The following ATRNL1 variants were observed in gnomAD, a reference collection of about 807,000 sequenced individuals.
The protein encoded by ATRNL1 is attractin-like protein 1.
In ATRNL1, 95 loss-of-function variants were observed where a neutral mutation model predicts 182.7. That is an observed-to-expected ratio of 0.52 (90% CI 0.44 to 0.62). The LOEUF (loss-of-function observed/expected upper bound fraction) is 0.62, where lower values mean the gene tolerates loss of function less well. ATRNL1 is among the 20% of genes least tolerant of loss of function. The probability of loss-of-function intolerance (pLI) is 0.00; values close to 1 mark genes in which losing one functional copy is unlikely to be tolerated. For missense variants in ATRNL1, 1,471 were observed against 1,679.5 expected (o/e 0.88, Z 2.17); for synonymous variants, 576 against 568.3 (o/e 1.01, Z -0.19).
chr10:115,701,484 A>G (rs1946734572), intron 26 of ATRNL1, among the ~76,000 whole-genome samples: 1 of 152,008 alleles, frequency 6.6e-6, no homozygotes, highest in Non-Finnish European at 1.5e-5. Context: ...AGACACAAAA[A>G]TCCATACAAA....
intron 24 of ATRNL1, among the ~76,000 whole-genome samples, chr10:115,505,993 C>A (rs1157931915): frequency 6.6e-6 from 1 of 151,694 alleles, no homozygotes; most frequent in East Asian, 1.9e-4. Flanking sequence ...AGCTGTTGAA[C>A]TCCAGCATGG....
chr10:115,393,402 T>C (rs951220170), intron 19 of ATRNL1, among the ~76,000 whole-genome samples: 3 of 152,186 alleles, frequency 2.0e-5, no homozygotes, highest in Non-Finnish European at 4.4e-5. Context: ...TTACTATTGA[T>C]ACTGGAAGAA....
chr10:115,930,273 C>G (rs944959573), intron 28 of ATRNL1, among the ~76,000 whole-genome samples: 19 of 152,074 alleles, frequency 1.2e-4, no homozygotes, highest in Admixed American at 3.9e-4. Context: ...TTTCCTTCCC[C>G]AGAAGTTGCT....
At chr10:115,609,636 G>A (rs1857051478) in intron 26 of ATRNL1, among the ~76,000 whole-genome samples, 1 of 151,928 alleles carries the variant, frequency 6.6e-6, no homozygotes, top group Non-Finnish European at 1.5e-5. Context: ...TGATTATTTT[G>A]CCTGCTTTCT....
chr10:115,828,554 C>G (rs1950490852), intron 27 of ATRNL1, among the ~76,000 whole-genome samples: 1 of 152,188 alleles, frequency 6.6e-6, no homozygotes, highest in African/African-American at 2.4e-5. Flanking sequence ...GCTTCTCACT[C>G]TGGTACACAG....
intron 25 of ATRNL1, among the ~76,000 whole-genome samples, chr10:115,547,098 A>C (rs1172585373): frequency 6.6e-6 from 1 of 151,776 alleles, no homozygotes; most frequent in Non-Finnish European, 1.5e-5. Context: ...TACTAAAAAT[A>C]CAAAAAAATT....
chr10:115,152,751 G>C (rs1369090040), intron 5 of ATRNL1, among the ~76,000 whole-genome samples: 1 of 152,152 alleles, frequency 6.6e-6, no homozygotes, highest in Non-Finnish European at 1.5e-5. Context: ...CCAACACTAT[G>C]TTGAATAAGA....
At chr10:115,456,421 G>T (rs1174943980) in intron 21 of ATRNL1, among the ~76,000 whole-genome samples, 1 of 152,106 alleles carries the variant, frequency 6.6e-6, no homozygotes, top group Non-Finnish European at 1.5e-5. Context: ...ACTCATAAGT[G>T]GGAGTTGAAC....
intron 27 of ATRNL1, among the ~76,000 whole-genome samples, chr10:115,817,767 G>T (rs1022134887): frequency 1.8e-4 from 26 of 145,814 alleles, no homozygotes; most frequent in Non-Finnish European, 3.8e-4. Flanking sequence ...TAAAAAAGTA[G>T]TTTTTTTTTT....
chr10:115,652,708 A>G (rs1555034673), intron 26 of ATRNL1, among the ~76,000 whole-genome samples: 1 of 152,078 alleles, frequency 6.6e-6, no homozygotes. Context: ...CATTCTGCAT[A>G]CAGTTTACTT....
intron 8 of ATRNL1, among the ~76,000 whole-genome samples, chr10:115,190,162 C>T (rs1017748232): frequency 3.3e-4 from 50 of 152,176 alleles, no homozygotes; most frequent in African/African-American, 1.1e-3. Flanking sequence ...GTGCATTTCT[C>T]AGAATGTATC....
chr10:115,611,094 A>T (rs1555018877), intron 26 of ATRNL1, among the ~76,000 whole-genome samples: 1 of 151,670 alleles, frequency 6.6e-6, no homozygotes, highest in African/African-American at 2.4e-5. Flanking sequence ...AATTAGTGAA[A>T]AAACAGCTTA....
chr10:115,700,476 T>G (rs1946698381), intron 26 of ATRNL1, among the ~76,000 whole-genome samples: 1 of 152,146 alleles, frequency 6.6e-6, no homozygotes, highest in South Asian at 2.1e-4. Flanking sequence ...CATATGTATT[T>G]TAGCCACTTA....
intron 24 of ATRNL1, among the ~76,000 whole-genome samples, chr10:115,497,074 A>G (rs1399849530): frequency 6.6e-6 from 1 of 152,124 alleles, no homozygotes; most frequent in African/African-American, 2.4e-5. Flanking sequence ...TCTTTAAAAA[A>G]CATTTTTTTT....
At chr10:115,103,649 T>G (rs1422526836) in intron 1 of ATRNL1, among the ~76,000 whole-genome samples, 1 of 152,218 alleles carries the variant, frequency 6.6e-6, no homozygotes, top group Non-Finnish European at 1.5e-5. Context: ...CAATTCATAC[T>G]AATTATACTT....
intron 9 of ATRNL1, among the ~76,000 whole-genome samples, chr10:115,223,929 A>ATATATATATATATTTTT (rs1420143943): frequency 4.5e-5 from 2 of 44,732 alleles, no homozygotes; most frequent in African/African-American, 1.8e-4. Flanking sequence ...ATATATATAT[A>ATATATATATATATTTTT]TTTTTTTTTT....
intron 28 of ATRNL1, among the ~76,000 whole-genome samples, chr10:115,873,275 C>A (rs1951626310): frequency 6.6e-6 from 1 of 152,294 alleles, no homozygotes; most frequent in Admixed American, 6.5e-5. Context: ...GACAAGGAAC[C>A]AGGACCTAGA....
At chr10:115,900,197 A>AT (rs547377877) in intron 28 of ATRNL1, among the ~76,000 whole-genome samples, 104 of 152,270 alleles carry the variant, frequency 6.8e-4, no homozygotes, top group African/African-American at 2.3e-3. Flanking sequence ...GGTTGTCCAT[A>AT]TTTTTTTATA....
intron 19 of ATRNL1, among the ~76,000 whole-genome samples, chr10:115,336,981 G>GC (rs1228003629): frequency 2.8e-5 from 4 of 144,948 alleles, no homozygotes; most frequent in Non-Finnish European, 6.0e-5. Context: ...AAGTAGCTGG[G>GC]GGGGGGGGAC....
Sources: allele counts gnomAD v4.1 joint callset (sites outside exome capture counted in the v4.1 genomes callset), GRCh38; gene constraint gnomAD v4.1.1; transcripts MANE v1.5; gene names NCBI Gene and HGNC (gene_info 2026-07-23, HGNC 2026-07-21).